The following KIAA0930 variants were observed in gnomAD, a reference collection of about 807,000 sequenced individuals.
KIAA0930 encodes the protein uncharacterized protein KIAA0930.
Under a neutral mutation model 43.9 loss-of-function variants are expected in KIAA0930, and 24 were observed. The observed-to-expected ratio is 0.55, with a 90% CI of 0.40 to 0.77. The LOEUF is 0.77. Among genes scored for constraint, KIAA0930 ranks in the 30% least tolerant of loss-of-function variants. The pLI, the probability that KIAA0930 is intolerant of heterozygous loss-of-function variation, is 0.00. For synonymous variants in KIAA0930, 259 were observed against 216.4 expected (o/e 1.20, Z -1.73); for missense variants, 461 against 574.2 (o/e 0.80, Z 2.02).
intron 2 of KIAA0930, among the ~76,000 whole-genome samples, chr22:45,208,473 A>AC (rs1555898688): frequency 6.7e-6 from 1 of 149,806 alleles, no homozygotes; most frequent in Non-Finnish European, 1.5e-5. Context: ...AACAGGCAGA[A>AC]CCACCGACTC....
At chr22:45,205,764 T>A (rs2083631556) in intron 3 of KIAA0930, 29 bp downstream of exon 3, 1 of 1,601,060 alleles carries the variant, frequency 6.2e-7, no homozygotes, top group African/African-American at 1.3e-5. Flanking sequence ...ACAGGGCCAA[T>A]CCGCAGCCCC....
Position 45,197,069 on chromosome 22 carries a change from C to G in KIAA0930, c.*107G>C. 1 of 987,188 alleles carries G rather than the reference C, an allele frequency of 1.0e-6. No individual in the cohort carries two copies. The highest frequency in any genetic ancestry group is 1.4e-6 in the Non-Finnish European group (1 of 695,608). The allele number at this position is 987,188 out of a possible 1,614,324, so 61.2% of individuals were successfully genotyped here. Reference sequence around the variant, plus strand: ...GAGTGGCCTCGCCTGGCTGCGGCTCCAGCACTGGCGTGCCATCGCAGACCC... The same window carrying G: ...GAGTGGCCTCGCCTGGCTGCGGCTCGAGCACTGGCGTGCCATCGCAGACCC... On this transcript the variant is annotated 3_prime_UTR_variant, in exon 10 of 10. Transcript: ENST00000336156.
At chr22:45,238,383 C>T (rs1031143138) in intron 1 of KIAA0930, among the ~76,000 whole-genome samples, 87 of 152,342 alleles carry the variant, frequency 5.7e-4, no homozygotes, top group Middle Eastern at 6.8e-3. Context: ...ATGAATCAGA[C>T]TGGGTAATGC....
intron 1 of KIAA0930, among the ~76,000 whole-genome samples, chr22:45,234,208 G>A (rs185184400): frequency 9.5e-4 from 144 of 152,308 alleles, no homozygotes; most frequent in African/African-American, 3.3e-3. Context: ...GGAGTGGAAG[G>A]TCAGTGTGCG....
chr22:45,197,949 C>G lies in KIAA0930; in HGVS notation c.1016-1G>C. 8 of 1,613,676 alleles carry G rather than the reference C, an allele frequency of 5.0e-6. No individual in the cohort carries two copies. The highest frequency in any genetic ancestry group is 6.8e-6 in the Non-Finnish European group (8 of 1,179,760). ...AGGTTGGTTGCATTGTGCAGATCGGCTGGAGGAAAGAAGGCCAGGTCAAGG... is the reference window on the plus strand; with the variant it reads ...AGGTTGGTTGCATTGTGCAGATCGGGTGGAGGAAAGAAGGCCAGGTCAAGG... On this transcript the variant is annotated splice_acceptor_variant, in intron 8 of 9. Transcript: ENST00000336156. LOFTEE classifies it high-confidence loss of function.
intron 1 of KIAA0930, among the ~76,000 whole-genome samples, chr22:45,212,878 G>C (rs375630066): frequency 1.3e-5 from 2 of 152,184 alleles, no homozygotes; most frequent in Admixed American, 1.3e-4. Flanking sequence ...CAGACAAACC[G>C]AGACCACGGG....
chr22:45,229,530 G>C (rs2147764154), intron 1 of KIAA0930, among the ~76,000 whole-genome samples: 1 of 152,278 alleles, frequency 6.6e-6, no homozygotes, highest in South Asian at 2.1e-4. Flanking sequence ...TCACAGCACA[G>C]GGGCAGGAAT....
Position 45,197,142 on chromosome 22 carries a change from C to A in KIAA0930, c.*34G>T. On this transcript the variant is annotated 3_prime_UTR_variant, in exon 10 of 10. Coordinates refer to ENST00000336156, the MANE Select transcript of KIAA0930 (RefSeq NM_001009880.2). ...ACTTGGCAGCACTCCGAGGGCTGGG[C>A]CCGGCCGGGGCTCTGCGCAGGCTCC... 2 of 1,524,694 alleles carry A rather than the reference C, an allele frequency of 1.3e-6. No homozygotes were observed. Among genetic ancestry groups the A allele is most frequent in the Non-Finnish European group, 1.8e-6 (2 of 1,131,842 alleles). The allele number at this position is 1,524,694 out of a possible 1,614,324, so 94.4% of individuals were successfully genotyped here.
chr22:45,230,742 C>T (rs911159796), intron 1 of KIAA0930, among the ~76,000 whole-genome samples: 4 of 152,120 alleles, frequency 2.6e-5, no homozygotes, highest in East Asian at 3.9e-4. Flanking sequence ...CCACCACACC[C>T]GGCTAATTTT....
chr22:45,234,111 G>A (rs888912023), intron 1 of KIAA0930, among the ~76,000 whole-genome samples: 1 of 152,198 alleles, frequency 6.6e-6, no homozygotes, highest in Non-Finnish European at 1.5e-5. Flanking sequence ...GGCAGAGGCC[G>A]GGCACATGTA....
At chr22:45,233,643 T>TG (rs2083868267) in intron 1 of KIAA0930, among the ~76,000 whole-genome samples, 1 of 152,078 alleles carries the variant, frequency 6.6e-6, no homozygotes, top group African/African-American at 2.4e-5. Context: ...ACCTGGTGGC[T>TG]GCTCTCAGGA....
chr22:45,210,089 G>A (rs1253451605), intron 2 of KIAA0930, among the ~76,000 whole-genome samples: 1 of 152,136 alleles, frequency 6.6e-6, no homozygotes, highest in Non-Finnish European at 1.5e-5. Flanking sequence ...GACCAGAGTC[G>A]TGACCTCTCT....
At chr22:45,229,547 G>A (rs1185970429) in intron 1 of KIAA0930, among the ~76,000 whole-genome samples, 2 of 152,180 alleles carry the variant, frequency 1.3e-5, no homozygotes, top group African/African-American at 4.8e-5. Flanking sequence ...GAATTGACAG[G>A]TGGCACCAAG....
At chr22:45,202,005 G>A (rs2083593324) in intron 7 of KIAA0930, among the ~76,000 whole-genome samples, 1 of 152,212 alleles carries the variant, frequency 6.6e-6, no homozygotes, top group African/African-American at 2.4e-5. Context: ...AATACTGAAG[G>A]AGCAGGTATC....
intron 1 of KIAA0930, among the ~76,000 whole-genome samples, chr22:45,223,635 G>A (rs1431196317): frequency 6.6e-6 from 1 of 151,752 alleles, no homozygotes; most frequent in Admixed American, 6.6e-5. Context: ...CACCAGATAA[G>A]CACCCAAGGT....
At chr22:45,202,833 G>A (rs958676893) in intron 7 of KIAA0930, 157 bp downstream of exon 7, 2 of 596,008 alleles carry the variant, frequency 3.4e-6, no homozygotes, top group Non-Finnish European at 5.7e-6. Context: ...GAGAAGGGCT[G>A]GGTGGTCCGG....
In KIAA0930 at chr22:45,229,471, A is replaced by AG. The variant is rs148825901; in HGVS notation, c.64+11168dup. Among the ~76,000 whole-genome samples, 549 of 151,548 alleles carry AG rather than the reference A, an allele frequency of 3.6e-3. 5 individuals carry two copies. Among genetic ancestry groups the AG allele is most frequent in the African/African-American group, 0.013 (528 of 41,178 alleles). On this transcript the variant is annotated intron_variant, in intron 1 of 9. Transcript: ENST00000336156. ...ATGAAAAGTCAGAGCCGTGGAGGGGAGCTCAGGTGGGAGAGGGACAGGAGC... is the reference window on the plus strand; with the variant it reads ...ATGAAAAGTCAGAGCCGTGGAGGGGAGGCTCAGGTGGGAGAGGGACAGGAGC...
chr22:45,214,657 C>A (rs2083720158), intron 1 of KIAA0930, among the ~76,000 whole-genome samples: 1 of 152,232 alleles, frequency 6.6e-6, no homozygotes, highest in Non-Finnish European at 1.5e-5. Flanking sequence ...ACCTGTAATC[C>A]CAGCACTTTG....
chr22:45,198,338 A>G (rs2083555943), intron 8 of KIAA0930, among the ~76,000 whole-genome samples: 1 of 152,256 alleles, frequency 6.6e-6, no homozygotes, highest in Non-Finnish European at 1.5e-5. Context: ...GCCGACCTGC[A>G]CCATTACCCA....
Sources: gnomAD v4.1 joint callset for allele counts (sites outside exome capture counted in the v4.1 genomes callset) on GRCh38, gnomAD v4.1.1 for gene constraint, MANE v1.5 for transcripts, NCBI Gene and HGNC (gene_info 2026-07-23, HGNC 2026-07-21) for gene names.